ZNF709: variants seen among roughly 807,000 people sequenced by gnomAD.
ZNF709 encodes zinc finger protein 709.
Under a neutral mutation model 10.6 loss-of-function variants are expected in ZNF709, and 15 were observed. The observed-to-expected ratio is 1.41, with a 90% CI of 0.95 to 2.18. The LOEUF (loss-of-function observed/expected upper bound fraction) is 2.18, where lower values mean the gene tolerates loss of function less well. Among genes scored for constraint, ZNF709 ranks in the 30% most tolerant of loss-of-function variants. The pLI, the probability that ZNF709 is intolerant of heterozygous loss-of-function variation, is 0.00. For missense variants in ZNF709, 589 were observed against 774.0 expected (o/e 0.76, Z 2.84); for synonymous variants, 194 against 238.8 (o/e 0.81, Z 1.73).
chr19:12,480,537 T>G (rs905645891), intron 1 of ZNF709, among the ~76,000 whole-genome samples: 2 of 151,722 alleles, frequency 1.3e-5, no homozygotes, highest in African/African-American at 2.4e-5. Context: ...CAAAAAATTA[T>G]CCGGGCGTGG....
At chr19:12,468,035 C>T (rs1970597151) in intron 1 of ZNF709, among the ~76,000 whole-genome samples, 1 of 150,602 alleles carries the variant, frequency 6.6e-6, no homozygotes, top group South Asian at 2.1e-4. Flanking sequence ...GGGGGGTCAG[C>T]CCCCGCCCGG....
intron 1 of ZNF709, among the ~76,000 whole-genome samples, chr19:12,471,192 C>T (rs1970632087): frequency 6.6e-6 from 1 of 151,792 alleles, no homozygotes; most frequent in Non-Finnish European, 1.5e-5. Context: ...CATTTAAAGG[C>T]TTGGTTGCAT....
rs755489498 is a variant in ZNF709 at position 12,465,169 on chromosome 19, G to C, written c.753C>G (p.Pro251=). The change falls in exon 4 of 4, where the codon CCC becomes CCG. Residue 251 remains proline (P), a synonymous_variant. Coordinates refer to ENST00000397732, the MANE Select transcript of ZNF709 (RefSeq NM_152601.4). ...NHERTHSGEK[P]YECKQCGKAF... The stretch of plus-strand genomic sequence containing the variant: ...CTTTTCCACATTGTTTACATTCATA[G>C]GGTTTCTCTCCAGAGTGAGTTCTTT... 1.1e-5 allele frequency: 18 copies of C among 1,613,670 alleles called. No individual in the cohort carries two copies. The highest frequency in any genetic ancestry group is 1.5e-5 in the Non-Finnish European group (18 of 1,179,886).
rs1354103260 is a variant in ZNF709, at chr19:12,481,382, C to T, written c.3+3273G>A. 1.3e-5 allele frequency among the ~76,000 whole-genome samples: 2 copies of T among 151,934 alleles called. 1 individual carries two copies. Among genetic ancestry groups the T allele is most frequent in the Admixed American group, 1.3e-4 (2 of 15,222 alleles). ...CCGAGTAGCTGGGATTACAGCCACCCACCAAAAATTACATGTCTGGTTAAT... is the reference window on the plus strand; with the variant it reads ...CCGAGTAGCTGGGATTACAGCCACCTACCAAAAATTACATGTCTGGTTAAT... On this transcript the variant is annotated intron_variant, in intron 1 of 3. Transcript: ENST00000397732.
intron 1 of ZNF709, among the ~76,000 whole-genome samples, chr19:12,468,699 A>T (rs1277413797): frequency 6.6e-6 from 1 of 152,096 alleles, no homozygotes; most frequent in East Asian, 1.9e-4. Flanking sequence ...ATAAAAAAAA[A>T]AAAAAAAAGA....
chr19:12,462,239 T>C lies in ZNF709; in HGVS notation c.*1757A>G, dbSNP rs951240501. 3 of 152,202 alleles carry C rather than the reference T, an allele frequency of 2.0e-5. No homozygotes were observed. The highest frequency in any genetic ancestry group is 7.2e-5 in the African/African-American group (3 of 41,464). 9.4% of individuals were successfully genotyped at this position (152,202 alleles called of 1,614,324 possible). On this transcript the variant is annotated 3_prime_UTR_variant, in exon 4 of 4. Transcript: ENST00000397732. ...GAAGCAGGTGTCCCTGAAGCTCCTA[T>C]GCATCCATCTGTCTCCACATATGGT...
chr19:12,466,935 T>C (rs1970576354), intron 1 of ZNF709, 85 bp from the exon 2 acceptor site: 3 of 1,497,498 alleles, frequency 2.0e-6, no homozygotes, highest in Non-Finnish European at 2.7e-6. Flanking sequence ...AGTTCATATA[T>C]AATTTTCTCC....
chr19:12,467,712 C>T (rs1272655460), intron 1 of ZNF709, among the ~76,000 whole-genome samples: 2 of 151,810 alleles, frequency 1.3e-5, no homozygotes, highest in South Asian at 2.1e-4. Flanking sequence ...CTCTGCCCGG[C>T]GGCCCATCGT....
Position 12,465,077 on chromosome 19 carries a change from C to T in ZNF709, c.845G>A (p.Cys282Tyr). ...RTHTGEKPYQ[C>Y]KQCGKALSCP... ...ACTAAGAGCTTTACCACATTGCTTA[C>T]ACTGATAGGGTTTTTCCCCAGTGTG... The change falls in exon 4 of 4, where the codon TGT becomes TAT. Residue 282 changes from cysteine (C) to tyrosine (Y), a missense_variant. Cys to Tyr is a radical substitution (Grantham distance 194). Transcript: ENST00000397732. 2 of 1,613,300 alleles carry T rather than the reference C, an allele frequency of 1.2e-6. No homozygotes were observed. The highest frequency in any genetic ancestry group is 1.7e-6 in the Non-Finnish European group (2 of 1,179,728).
At chr19:12,481,918 A>G (rs1970730295) in intron 1 of ZNF709, among the ~76,000 whole-genome samples, 2 of 151,122 alleles carry the variant, frequency 1.3e-5, no homozygotes, top group African/African-American at 4.9e-5. Flanking sequence ...CTTAAAAAAA[A>G]AAAAAAGGGA....
At chr19:12,479,284 C>A (rs1169614109) in intron 1 of ZNF709, among the ~76,000 whole-genome samples, 1 of 152,044 alleles carries the variant, frequency 6.6e-6, no homozygotes, top group Non-Finnish European at 1.5e-5. Flanking sequence ...GCCTGGGCAA[C>A]AGAACAAGAC....
chr19:12,466,691 A>C, intron 2 of ZNF709, 33 bp downstream of exon 2: 1 of 1,613,852 alleles, frequency 6.2e-7, no homozygotes, highest in African/African-American at 1.3e-5. Context: ...TTGTTCTCTA[A>C]TTGACTAAGT....
rs1013524895 is a variant in ZNF709 at position 12,474,614 on chromosome 19, A to G, written c.4-7764T>C. Among the ~76,000 whole-genome samples, 23 of 152,220 alleles carry G rather than the reference A, an allele frequency of 1.5e-4. 1 individual carries two copies. Among genetic ancestry groups the G allele is most frequent in the Admixed American group, 5.2e-4 (8 of 15,284 alleles). ...ATAAACATCTATGCTATTATCCATA[A>G]TGCCTGTATCAATTTAAATTTAAAC... On this transcript the variant is annotated intron_variant, in intron 1 of 3. Coordinates refer to ENST00000397732, the MANE Select transcript of ZNF709 (RefSeq NM_152601.4).
intron 1 of ZNF709, among the ~76,000 whole-genome samples, chr19:12,469,181 AT>A (rs1159076622): frequency 4.6e-5 from 7 of 151,992 alleles, no homozygotes; most frequent in African/African-American, 1.7e-4. Context: ...AGAACTGTAC[AT>A]TTTTTCTTCT....
intron 1 of ZNF709, among the ~76,000 whole-genome samples, chr19:12,480,422 G>T (rs565859286): frequency 2.6e-5 from 4 of 152,162 alleles, no homozygotes; most frequent in African/African-American, 9.7e-5. Context: ...AGTGGCTCAC[G>T]CCTGTAATCC....
intron 1 of ZNF709, among the ~76,000 whole-genome samples, chr19:12,467,311 C>T (rs1172533528): frequency 2.0e-5 from 3 of 152,160 alleles, no homozygotes; most frequent in Non-Finnish European, 4.4e-5. Flanking sequence ...GACTGGTTTT[C>T]GTATTTTTTT....
At chr19:12,472,849 C>T (rs1186729583) in intron 1 of ZNF709, among the ~76,000 whole-genome samples, 1 of 151,874 alleles carries the variant, frequency 6.6e-6, no homozygotes, top group African/African-American at 2.4e-5. Flanking sequence ...CGCCACTGCA[C>T]TCCAGCCTGG....
intron 1 of ZNF709, among the ~76,000 whole-genome samples, chr19:12,483,539 A>T (rs948611864): frequency 3.3e-5 from 5 of 151,170 alleles, no homozygotes; most frequent in African/African-American, 1.2e-4. Context: ...ATTTTATTTT[A>T]TTTTTTTATT....
At chr19:12,469,672 G>C (rs1015782809) in intron 1 of ZNF709, among the ~76,000 whole-genome samples, 1 of 152,090 alleles carries the variant, frequency 6.6e-6, no homozygotes, top group African/African-American at 2.4e-5. Context: ...AGGAGGCTGA[G>C]GCAGGAGAAT....
Sources: gnomAD v4.1 joint callset for allele counts (sites outside exome capture counted in the v4.1 genomes callset) on GRCh38, gnomAD v4.1.1 for gene constraint, MANE v1.5 for transcripts, NCBI Gene and HGNC (gene_info 2026-07-23, HGNC 2026-07-21) for gene names.